The following IMMP2L variants were observed in gnomAD, a reference collection of about 807,000 sequenced individuals.
The protein encoded by IMMP2L is mitochondrial inner membrane protease subunit 2.
IMMP2L carries 18 observed loss-of-function variants against 19.3 expected under a neutral mutation model. The observed-to-expected ratio is 0.93, with a 90% CI of 0.64 to 1.38. The LOEUF is 1.38. IMMP2L is among the 40% of genes most tolerant of loss of function. The probability of loss-of-function intolerance (pLI) is 0.00; values close to 1 mark genes in which losing one functional copy is unlikely to be tolerated. For missense variants in IMMP2L, 233 were observed against 218.2 expected (o/e 1.07, Z -0.43); for synonymous variants, 76 against 73.0 (o/e 1.04, Z -0.21).
chr7:111,031,381 G>GGTGTGTGT (rs1554496351), intron 3 of IMMP2L, among the ~76,000 whole-genome samples: 27 of 72,660 alleles, frequency 3.7e-4, no homozygotes, highest in South Asian at 1.9e-3. Context: ...GGGGTGTAGG[G>GGTGTGTGT]GTGTGTGTGT....
At chr7:110,938,690 T>A (rs1816379341) in intron 4 of IMMP2L, among the ~76,000 whole-genome samples, 1 of 152,116 alleles carries the variant, frequency 6.6e-6, no homozygotes, top group Admixed American at 6.6e-5. Context: ...TGCCATGCAA[T>A]ATATCCATGT....
chr7:110,934,963 G>A (rs1422666164), intron 4 of IMMP2L, among the ~76,000 whole-genome samples: 1 of 152,164 alleles, frequency 6.6e-6, no homozygotes, highest in Admixed American at 6.6e-5. Context: ...TTGCCAGTCT[G>A]TGTCTTTTAA....
intron 3 of IMMP2L, among the ~76,000 whole-genome samples, chr7:111,451,586 T>A (rs1839186977): frequency 7.8e-6 from 1 of 127,796 alleles, no homozygotes; most frequent in Non-Finnish European, 1.7e-5. Flanking sequence ...GGGGGAGGGA[T>A]AGCATTGGGA....
intron 3 of IMMP2L, among the ~76,000 whole-genome samples, chr7:111,379,354 T>A (rs906228571): frequency 6.6e-6 from 1 of 151,624 alleles, no homozygotes; most frequent in Non-Finnish European, 1.5e-5. Flanking sequence ...TGAGAGTACA[T>A]AAATTATATA....
At chr7:111,225,548 C>T (rs1218814773) in intron 3 of IMMP2L, among the ~76,000 whole-genome samples, 4 of 151,972 alleles carry the variant, frequency 2.6e-5, no homozygotes, top group Admixed American at 2.6e-4. Context: ...TCAGATTCCA[C>T]ACTGTAAATA....
At chr7:111,204,229 T>C (rs147167983) in intron 3 of IMMP2L, among the ~76,000 whole-genome samples, 1 of 152,190 alleles carries the variant, frequency 6.6e-6, no homozygotes, top group African/African-American at 2.4e-5. Context: ...CAAGCCCACA[T>C]CGCTCACTGA....
At chr7:111,298,597 C>A (rs918223124) in intron 3 of IMMP2L, among the ~76,000 whole-genome samples, 10 of 151,274 alleles carry the variant, frequency 6.6e-5, no homozygotes, top group Admixed American at 2.0e-4. Context: ...TAAAAACACA[C>A]AAAAAAAATT....
chr7:111,441,253 C>T (rs1192443713), intron 3 of IMMP2L, among the ~76,000 whole-genome samples: 1 of 151,956 alleles, frequency 6.6e-6, no homozygotes, highest in Non-Finnish European at 1.5e-5. Flanking sequence ...ACCTTTCAGC[C>T]TATCTAGGCT....
At chr7:111,388,204 A>G (rs1029885435) in intron 3 of IMMP2L, among the ~76,000 whole-genome samples, 5 of 152,006 alleles carry the variant, frequency 3.3e-5, no homozygotes, top group Admixed American at 6.6e-5. Flanking sequence ...ACAGACAGCA[A>G]GACCGGGACC....
intron 5 of IMMP2L, among the ~76,000 whole-genome samples, chr7:110,813,247 C>G (rs1397921454): frequency 1.3e-5 from 2 of 151,944 alleles, no homozygotes; most frequent in Non-Finnish European, 2.9e-5. Context: ...CTGAAACTCC[C>G]TCTCTTATTG....
At chr7:110,931,236 T>C (rs990375352) in intron 4 of IMMP2L, among the ~76,000 whole-genome samples, 3 of 152,172 alleles carry the variant, frequency 2.0e-5, no homozygotes, top group African/African-American at 4.8e-5. Context: ...ATCAGAGATT[T>C]CCCTGGCCTG....
chr7:110,805,553 T>A (rs1249013112), intron 5 of IMMP2L, among the ~76,000 whole-genome samples: 3 of 152,064 alleles, frequency 2.0e-5, no homozygotes, highest in Non-Finnish European at 2.9e-5. Context: ...AGTCATTTTT[T>A]AAAATAACAT....
Position 111,436,522 on chromosome 7 carries a change from T to TACAC in IMMP2L, c.239+50712_239+50715dup, listed in dbSNP as rs563500068. Among the ~76,000 whole-genome samples the TACAC allele has an allele frequency of 1.4e-4, 21 of 149,250 alleles. 1 individual carries two copies. In the South Asian group the frequency reaches 4.2e-3, roughly 30 times the overall value. On this transcript the variant is annotated intron_variant, in intron 3 of 5. Coordinates refer to ENST00000405709, the MANE Select transcript of IMMP2L (RefSeq NM_032549.4). ...AGTCTTTTTTTCTTACACACACACATACACACACACACACACACCCCACAC... is the reference window on the plus strand; with the variant it reads ...AGTCTTTTTTTCTTACACACACACATACACACACACACACACACACACCCCACAC...
At chr7:111,126,862 T>A (rs924950503) in intron 3 of IMMP2L, among the ~76,000 whole-genome samples, 1 of 152,202 alleles carries the variant, frequency 6.6e-6, no homozygotes, top group Non-Finnish European at 1.5e-5. Flanking sequence ...CATAAGCAAC[T>A]TTTAACTTTT....
intron 3 of IMMP2L, among the ~76,000 whole-genome samples, chr7:111,320,074 C>A (rs994591357): frequency 6.6e-6 from 1 of 151,952 alleles, no homozygotes; most frequent in Admixed American, 6.6e-5. Flanking sequence ...TATATATACA[C>A]AGAAAGAGAG....
In IMMP2L at chr7:110,663,589, T is replaced by C. The variant is rs1791215869; in HGVS notation, c.*13A>G. On this transcript the variant is annotated 3_prime_UTR_variant, in exon 6 of 6. Transcript: ENST00000405709. ...GGCCTCCCAATGCCAGCAACTCAGG[T>C]AGATTCATGCAGTCATTCCTCTTCT... is the stretch of plus-strand genomic sequence containing the variant. The C allele has an allele frequency of 3.7e-6, 6 of 1,613,102 alleles. No homozygotes were observed. The highest frequency in any genetic ancestry group is 1.7e-5 in the Admixed American group (1 of 59,934).
intron 5 of IMMP2L, among the ~76,000 whole-genome samples, chr7:110,695,001 C>A (rs756709875): frequency 6.6e-6 from 1 of 151,968 alleles, no homozygotes; most frequent in African/African-American, 2.4e-5. Flanking sequence ...TATGAAATAT[C>A]CATAATAGGG....
intron 3 of IMMP2L, among the ~76,000 whole-genome samples, chr7:111,008,057 C>T (rs1019207260): frequency 6.6e-6 from 1 of 152,116 alleles, no homozygotes; most frequent in African/African-American, 2.4e-5. Flanking sequence ...ATTTCCACCA[C>T]TACTGGTCTG....
At chr7:111,444,510 T>C (rs1034724328) in intron 3 of IMMP2L, among the ~76,000 whole-genome samples, 1 of 152,202 alleles carries the variant, frequency 6.6e-6, no homozygotes, top group Non-Finnish European at 1.5e-5. Flanking sequence ...TTAATATTTA[T>C]AGTGATTATA....
Sources: gnomAD v4.1 joint callset for allele counts (sites outside exome capture counted in the v4.1 genomes callset) on GRCh38, gnomAD v4.1.1 for gene constraint, MANE v1.5 for transcripts, NCBI Gene and HGNC (gene_info 2026-07-23, HGNC 2026-07-21) for gene names.